CENPP: variants seen among roughly 807,000 people sequenced by gnomAD.
The protein encoded by CENPP is centromere protein P.
Under a neutral mutation model 35.6 loss-of-function variants are expected in CENPP, and 24 were observed. That is an observed-to-expected ratio of 0.67 (90% confidence interval 0.49 to 0.95). The LOEUF is 0.95. Ranked by LOEUF, CENPP falls within the 40% of genes least tolerant of loss-of-function variation. The pLI, the probability that CENPP is intolerant of heterozygous loss-of-function variation, is 0.00. For synonymous variants in CENPP, 120 were observed against 125.5 expected (o/e 0.96, Z 0.29); for missense variants, 332 against 345.3 (o/e 0.96, Z 0.31).
At chr9:92,418,584 A>G (rs987052058) in intron 5 of CENPP, among the ~76,000 whole-genome samples, 1 of 152,142 alleles carries the variant, frequency 6.6e-6, no homozygotes, top group Admixed American at 6.6e-5. Flanking sequence ...GTTCTTTGGA[A>G]TTACCTGATC....
At chr9:92,597,976 G>A (rs1478294946) in intron 5 of CENPP, among the ~76,000 whole-genome samples, 2 of 152,194 alleles carry the variant, frequency 1.3e-5, no homozygotes, top group Non-Finnish European at 1.5e-5. Flanking sequence ...ATTCTAAAGT[G>A]GGAAAGTATA....
In CENPP at chr9:92,616,007, G is replaced by A; in HGVS notation, c.*2858G>A. 6.2e-7 allele frequency: 1 copy of A among 1,614,192 alleles called. No individual in the cohort carries two copies. The highest frequency in any genetic ancestry group is 8.5e-7 in the Non-Finnish European group (1 of 1,180,032). ...GAGGTCAAGGTCCAGCACAGACACG[G>A]AAAAGGCAAACCTGGACCTCGATGA... On this transcript the variant is annotated 3_prime_UTR_variant, in exon 8 of 8. Transcript: ENST00000375587.
chr9:92,512,061 G>T (rs1298129026), intron 5 of CENPP: 2 of 1,613,844 alleles, frequency 1.2e-6, no homozygotes, highest in Non-Finnish European at 8.5e-7. Flanking sequence ...TTTTTACTCA[G>T]ATCAAGCCTT....
intron 5 of CENPP, among the ~76,000 whole-genome samples, chr9:92,419,881 G>T (rs1315011640): frequency 6.6e-6 from 1 of 151,968 alleles, no homozygotes; most frequent in Non-Finnish European, 1.5e-5. Flanking sequence ...TTTCATCATT[G>T]GTATAATTGA....
At chr9:92,430,616 A>G (rs1844083281) in intron 5 of CENPP, among the ~76,000 whole-genome samples, 1 of 151,960 alleles carries the variant, frequency 6.6e-6, no homozygotes, top group Non-Finnish European at 1.5e-5. Flanking sequence ...TCGGCCTCCC[A>G]AAGTTCTGGG....
rs1242459672 is a variant in CENPP at position 92,611,350 on chromosome 9, C to T, written c.601C>T (p.Pro201Ser). 6.2e-7 allele frequency: 1 copy of T among 1,613,644 alleles called. No individual in the cohort carries two copies. Among genetic ancestry groups the T allele is most frequent in the African/African-American group, 1.3e-5 (1 of 75,028 alleles). The part of the protein sequence containing the change: ...YPDAVYLSEG[P>S]SSCSMGIRSA... ...AGATGCCGTGTACCTCTCGGAGGGG[C>T]CCTCCTCCTGCTCCATGGGGATCCG... Residue 201 changes from proline to serine, a missense_variant, in exon 6 of 8, where the codon CCC (proline) becomes TCC (serine). Coordinates refer to ENST00000375587, the MANE Select transcript of CENPP (RefSeq NM_001012267.3).
intron 4 of CENPP, among the ~76,000 whole-genome samples, chr9:92,354,552 G>A (rs1177598191): frequency 6.6e-6 from 1 of 152,112 alleles, no homozygotes; most frequent in African/African-American, 2.4e-5. Flanking sequence ...AAAGGAAGGG[G>A]TCTCACTCTG....
intron 5 of CENPP, among the ~76,000 whole-genome samples, chr9:92,406,735 G>C (rs1843318705): frequency 6.6e-6 from 1 of 152,140 alleles, no homozygotes; most frequent in Admixed American, 6.5e-5. Flanking sequence ...ATGTGAAACT[G>C]TGGACGTAAG....
intron 5 of CENPP, among the ~76,000 whole-genome samples, chr9:92,382,892 C>CTTTTTTT (rs1213731251): frequency 4.3e-5 from 3 of 69,812 alleles, no homozygotes; most frequent in Admixed American, 2.1e-4. Flanking sequence ...CACTGTTTTC[C>CTTTTTTT]TTTTTTTTTT....
intron 5 of CENPP, among the ~76,000 whole-genome samples, chr9:92,605,366 T>G (rs1851048473): frequency 6.6e-6 from 1 of 152,188 alleles, no homozygotes. Flanking sequence ...TCATTTTTTT[T>G]TTTTTACATG....
chr9:92,360,942 C>T lies in CENPP; in HGVS notation c.467+15155C>T, dbSNP rs190766405. ...CAGGATAGTCTCGATCTCCTGACCT[C>T]GTGATCCGCCCGCCTCGGCCTCCCA... is the stretch of plus-strand genomic sequence containing the variant. On this transcript the variant is annotated intron_variant, in intron 4 of 7. Coordinates refer to ENST00000375587, the MANE Select transcript of CENPP (RefSeq NM_001012267.3). Among the ~76,000 whole-genome samples the T allele has an allele frequency of 5.3e-3, 808 of 151,718 alleles. 8 individuals are homozygous for T. The highest frequency in any genetic ancestry group is 0.018 in the African/African-American group (766 of 41,500).
chr9:92,529,437 C>G (rs568261565), intron 5 of CENPP, among the ~76,000 whole-genome samples: 195 of 152,212 alleles, frequency 1.3e-3, no homozygotes, highest in Non-Finnish European at 1.9e-3. Flanking sequence ...CCATACAACC[C>G]AGCAATCGTG....
At chr9:92,437,284 GTTT>G (rs1844269029) in intron 5 of CENPP, among the ~76,000 whole-genome samples, 1 of 152,094 alleles carries the variant, frequency 6.6e-6, no homozygotes, top group African/African-American at 2.4e-5. Flanking sequence ...TTTTAATTGG[GTTT>G]TTGTCTTATT....
At chr9:92,460,398 C>T in intron 5 of CENPP, 4 of 868,336 alleles carry the variant, frequency 4.6e-6, no homozygotes, top group Non-Finnish European at 7.4e-6. Flanking sequence ...GCTAAACAGA[C>T]AGTGATCTCT....
rs1240602519 is a variant in CENPP at position 92,620,431 on chromosome 9, A to G, written c.*7282A>G. 2 of 151,980 alleles carry G rather than the reference A, an allele frequency of 1.3e-5. No individual in the cohort carries two copies. Among genetic ancestry groups the G allele is most frequent in the African/African-American group, 4.8e-5 (2 of 41,346 alleles). 9.4% of individuals were successfully genotyped at this position (151,980 alleles called of 1,614,324 possible). On this transcript the variant is annotated 3_prime_UTR_variant, in exon 8 of 8. Coordinates refer to ENST00000375587, the MANE Select transcript of CENPP (RefSeq NM_001012267.3). ...TCCTCTACAGAGCAGAATGTGAGGC[A>G]CTCTCTCCTCTTCCTTCTTTGGACT...
intron 1 of CENPP, among the ~76,000 whole-genome samples, chr9:92,331,566 T>A (rs572876870): frequency 2.0e-5 from 3 of 152,252 alleles, no homozygotes; most frequent in African/African-American, 7.2e-5. Flanking sequence ...AGAACACACA[T>A]TGTAATTTTG....
chr9:92,468,300 C>T (rs1464804949), intron 5 of CENPP, among the ~76,000 whole-genome samples: 3 of 152,240 alleles, frequency 2.0e-5, no homozygotes, highest in East Asian at 3.8e-4. Context: ...GGTGGACTGC[C>T]TGCCCTGCAT....
chr9:92,611,030 G>C (rs1025411333), intron 5 of CENPP: 5 of 501,988 alleles, frequency 1.0e-5, no homozygotes, highest in African/African-American at 9.9e-5. Flanking sequence ...GATGGAAAGG[G>C]TGTGGGGAAA....
rs751497489 is a variant in CENPP at position 92,332,310 on chromosome 9, A to G, written c.248A>G (p.Lys83Arg). The G allele has an allele frequency of 1.9e-6, 3 of 1,609,158 alleles. No individual in the cohort carries two copies. In the East Asian group the frequency reaches 6.7e-5, roughly 36 times the overall value. Residue 83 changes from lysine (K) to arginine (R), a missense_variant, in exon 2 of 8, where the codon AAG (lysine) becomes AGG (arginine). Lys to Arg is a conservative substitution (Grantham distance 26). Transcript: ENST00000375587. ...LTGINIRNHS[K>R]QTEDLTSTEM... ...GGCATCAATATAAGAAATCACTCCAAGCAGACAGAAGACCTAACAAGCACT... is the reference window on the plus strand; with the variant it reads ...GGCATCAATATAAGAAATCACTCCAGGCAGACAGAAGACCTAACAAGCACT...
Sources: allele counts gnomAD v4.1 joint callset (sites outside exome capture counted in the v4.1 genomes callset), GRCh38; gene constraint gnomAD v4.1.1; transcripts MANE v1.5; gene names NCBI Gene and HGNC (gene_info 2026-07-23, HGNC 2026-07-21).